EPS15L1: variants seen among roughly 807,000 people sequenced by gnomAD.
The protein encoded by EPS15L1 is epidermal growth factor receptor pathway substrate 15 like 1.
A neutral mutation model predicts 117.1 loss-of-function variants in EPS15L1; 43 were observed. That is an observed-to-expected ratio of 0.37 (90% CI 0.29 to 0.47). The LOEUF (loss-of-function observed/expected upper bound fraction) is 0.47, where lower values mean the gene tolerates loss of function less well. Among genes scored for constraint, EPS15L1 ranks in the 20% least tolerant of loss-of-function variants. The probability of loss-of-function intolerance (pLI) is 0.99; values close to 1 mark genes in which losing one functional copy is unlikely to be tolerated. For synonymous variants in EPS15L1, 459 were observed against 470.5 expected (o/e 0.98, Z 0.32); for missense variants, 981 against 1,164.0 (o/e 0.84, Z 2.29).
intron 3 of EPS15L1, 145 bp downstream of exon 3, chr19:16,441,747 C>A: frequency 3.5e-6 from 2 of 566,648 alleles, no homozygotes; most frequent in Non-Finnish European, 6.3e-6. Flanking sequence ...GATCCACCAG[C>A]TGCAGCCTGA....
chr19:16,452,191 A>G (rs977406385), intron 1 of EPS15L1, among the ~76,000 whole-genome samples: 1 of 150,636 alleles, frequency 6.6e-6, no homozygotes, highest in African/African-American at 2.4e-5. Context: ...CACGCCTGTC[A>G]TCCCAGCACT....
chr19:16,445,321 C>T (rs1417911175), intron 1 of EPS15L1, among the ~76,000 whole-genome samples: 2 of 152,198 alleles, frequency 1.3e-5, no homozygotes, highest in Non-Finnish European at 2.9e-5. Context: ...AGACCTACAG[C>T]TGAGGGAAAG....
intron 10 of EPS15L1, 59 bp downstream of exon 10, chr19:16,421,260 T>C: frequency 6.4e-7 from 1 of 1,553,768 alleles, no homozygotes; most frequent in Non-Finnish European, 8.8e-7. Flanking sequence ...CTCCACAGTC[T>C]TCACCCACAG....
chr19:16,451,580 G>A (rs1209013680), intron 1 of EPS15L1, among the ~76,000 whole-genome samples: 4 of 151,088 alleles, frequency 2.6e-5, no homozygotes, highest in Admixed American at 2.6e-4. Context: ...CCAGGCTGGA[G>A]TGCAGTGGTG....
intron 1 of EPS15L1, among the ~76,000 whole-genome samples, chr19:16,464,811 T>A (rs61537143): frequency 6.6e-6 from 1 of 151,894 alleles, no homozygotes; most frequent in Non-Finnish European, 1.5e-5. Context: ...CGGGTGGGCA[T>A]GGTGGCTCAC....
chr19:16,399,908 C>T (rs2092580870), intron 16 of EPS15L1, among the ~76,000 whole-genome samples: 1 of 152,166 alleles, frequency 6.6e-6, no homozygotes, highest in Non-Finnish European at 1.5e-5. Flanking sequence ...ATCAATCAAC[C>T]TTTCTTAATC....
At chr19:16,388,827 A>G (rs1483518255) in intron 19 of EPS15L1, among the ~76,000 whole-genome samples, 3 of 152,114 alleles carry the variant, frequency 2.0e-5, no homozygotes, top group African/African-American at 4.8e-5. Flanking sequence ...CTCTGTCTCA[A>G]AAAAACAAAC....
At chr19:16,461,071 C>T (rs1455415995) in intron 1 of EPS15L1, among the ~76,000 whole-genome samples, 1 of 151,880 alleles carries the variant, frequency 6.6e-6, no homozygotes, top group Non-Finnish European at 1.5e-5. Flanking sequence ...TTTGGGAGGC[C>T]GAGGCGGGCG....
chr19:16,386,589 G>A (rs943618792), intron 19 of EPS15L1, among the ~76,000 whole-genome samples: 2 of 152,220 alleles, frequency 1.3e-5, no homozygotes, highest in Admixed American at 1.3e-4. Context: ...GGCACAGTGA[G>A]GGTGCCTAAG....
rs775489894 is a variant in EPS15L1 at position 16,371,599 on chromosome 19, C to T, written c.2380+5523G>A. Among the ~76,000 whole-genome samples, 13 of 152,078 alleles carry T rather than the reference C, an allele frequency of 8.5e-5. No individual in the cohort carries two copies. The highest frequency in any genetic ancestry group is 1.2e-4 in the Non-Finnish European group (8 of 68,016). On this transcript the variant is annotated intron_variant, in intron 22 of 23. Transcript: ENST00000455140. The surrounding 1 kb of genome is among the most constrained non-coding windows in gnomAD (Gnocchi z 4.7). ...AGGTTAAAGGTGACTGGCTGGTTAG[C>T]GGTAGAACTGCGCTGGCTGGTGTCA...
chr19:16,441,138 A>C, intron 3 of EPS15L1: 2 of 576,300 alleles, frequency 3.5e-6, no homozygotes, highest in Non-Finnish European at 6.2e-6. Flanking sequence ...CTCAGCTCCC[A>C]AGCCAATGGT....
At chr19:16,393,695 T>TAAATAAATA (rs1568413194) in intron 18 of EPS15L1, among the ~76,000 whole-genome samples, 5 of 148,222 alleles carry the variant, frequency 3.4e-5, no homozygotes, top group African/African-American at 1.2e-4. Flanking sequence ...ATAAATAAAA[T>TAAATAAATA]AAATAAATAA....
intron 22 of EPS15L1, among the ~76,000 whole-genome samples, chr19:16,375,801 G>C (rs1419206557): frequency 6.6e-6 from 1 of 152,222 alleles, no homozygotes; most frequent in Non-Finnish European, 1.5e-5. Context: ...AGCCAACCTG[G>C]GCACTGCGGG....
chr19:16,395,882 T>C (rs967840335), intron 16 of EPS15L1, among the ~76,000 whole-genome samples: 2 of 150,830 alleles, frequency 1.3e-5, no homozygotes, highest in Non-Finnish European at 2.9e-5. Context: ...GAGGTGGAGG[T>C]TGCAGTGAGC....
At chr19:16,460,706 A>G (rs569555985) in intron 1 of EPS15L1, among the ~76,000 whole-genome samples, 50 of 152,216 alleles carry the variant, frequency 3.3e-4, no homozygotes, top group Non-Finnish European at 6.9e-4. Context: ...CCGCGGGCAC[A>G]GAGCGTTCTA....
At chr19:16,360,175 T>C (rs187302338) in intron 23 of EPS15L1, among the ~76,000 whole-genome samples, 80 of 152,098 alleles carry the variant, frequency 5.3e-4, no homozygotes, top group Admixed American at 9.8e-4. Context: ...AAGCTGCCGT[T>C]CACCCCACTT....
intron 11 of EPS15L1, 127 bp downstream of exon 11, chr19:16,417,821 T>C: frequency 7.2e-7 from 1 of 1,382,442 alleles, no homozygotes; most frequent in Non-Finnish European, 9.9e-7. Flanking sequence ...CGGGGGCCCC[T>C]GTTGAGGAAG....
At chr19:16,377,884 C>A (rs539558476) in intron 21 of EPS15L1, among the ~76,000 whole-genome samples, 2 of 152,380 alleles carry the variant, frequency 1.3e-5, no homozygotes, top group East Asian at 3.9e-4. Context: ...CTGACCACCT[C>A]TGGCCCGGAC....
At chr19:16,376,278 C>T (rs1025388198) in intron 22 of EPS15L1, among the ~76,000 whole-genome samples, 4 of 152,166 alleles carry the variant, frequency 2.6e-5, no homozygotes, top group African/African-American at 4.8e-5. Context: ...AGGCAATGAC[C>T]GGGTAGATAA....
Sources: allele counts gnomAD v4.1 joint callset (sites outside exome capture counted in the v4.1 genomes callset), GRCh38; gene constraint gnomAD v4.1.1; non-coding constraint Gnocchi (gnomAD v3.1); transcripts MANE v1.5; gene names NCBI Gene and HGNC (gene_info 2026-07-23, HGNC 2026-07-21).